Variants in HLCS observed in about 807,000 individuals in gnomAD.
The protein encoded by HLCS is holocarboxylase synthetase.
Under a neutral mutation model 75.0 loss-of-function variants are expected in HLCS, and 53 were observed. The observed-to-expected ratio is 0.71, with a 90% CI of 0.57 to 0.89. The LOEUF (loss-of-function observed/expected upper bound fraction) is 0.89, where lower values mean the gene tolerates loss of function less well. Ranked by LOEUF, HLCS falls within the 40% of genes least tolerant of loss-of-function variation. HLCS has a pLI of 0.00. For missense variants in HLCS, 966 were observed against 1,074.0 expected, an observed-to-expected ratio of 0.90 and a Z score of 1.41; for synonymous variants, 431 against 428.6, an observed-to-expected ratio of 1.01 and a Z score of -0.07.
At chr21:36,859,981 C>T (rs746735789) in intron 6 of HLCS, among the ~76,000 whole-genome samples, 1 of 152,186 alleles carries the variant, frequency 6.6e-6, no homozygotes, top group Non-Finnish European at 1.5e-5. Flanking sequence ...CCTTGCAGGT[C>T]GCATATTTAC....
intron 6 of HLCS, among the ~76,000 whole-genome samples, chr21:36,873,966 A>G (rs752737855): frequency 5.9e-5 from 9 of 152,214 alleles, no homozygotes; most frequent in Non-Finnish European, 1.3e-4. Flanking sequence ...CATCAGTTTA[A>G]GAAATTTCTT....
At chr21:36,840,857 C>T (rs1027882019) in intron 6 of HLCS, among the ~76,000 whole-genome samples, 4 of 152,128 alleles carry the variant, frequency 2.6e-5, no homozygotes, top group Non-Finnish European at 5.9e-5. Context: ...AGGTGATCTG[C>T]CTGCCTTGGC....
chr21:36,882,057 C>T (rs951928733), intron 6 of HLCS, among the ~76,000 whole-genome samples: 5 of 151,870 alleles, frequency 3.3e-5, no homozygotes, highest in Non-Finnish European at 7.4e-5. Context: ...CCGAAGCGGG[C>T]GGATCCCAAG....
chr21:36,833,940 A>G (rs2062310318), intron 6 of HLCS, among the ~76,000 whole-genome samples: 2 of 152,354 alleles, frequency 1.3e-5, no homozygotes, highest in South Asian at 4.1e-4. Context: ...AATTTAGTAC[A>G]GTGGACCTGT....
At chr21:36,760,728 T>C (rs902471826) in intron 8 of HLCS, among the ~76,000 whole-genome samples, 45 of 152,324 alleles carry the variant, frequency 3.0e-4, no homozygotes, top group African/African-American at 1.1e-3. Flanking sequence ...ATGTGGCCTA[T>C]TGCCTCTGCG....
chr21:36,921,838 A>C (rs2066181864), intron 5 of HLCS, among the ~76,000 whole-genome samples: 1 of 152,148 alleles, frequency 6.6e-6, no homozygotes, highest in South Asian at 2.1e-4. Flanking sequence ...TGTCAAGGGA[A>C]AGTGCATTTC....
Position 36,989,778 on chromosome 21 carries a change from T to TGGGCGCG in HLCS, c.-393+373_-393+379dup, listed in dbSNP as rs1298418088. Among the ~76,000 whole-genome samples, 5 of 152,124 alleles carry TGGGCGCG rather than the reference T, an allele frequency of 3.3e-5. No individual in the cohort carries two copies. In the East Asian group the frequency reaches 9.7e-4, roughly 30 times the overall value. On this transcript the variant is annotated intron_variant, in intron 1 of 11. Coordinates refer to the HLCS transcript ENST00000336648. The stretch of plus-strand genomic sequence containing the variant: ...AGGCCCTGCGGCTCTGCCCCTAACA[T>TGGGCGCG]GGGCGCGGGGCACGCGGCCAGGGGC...
intron 6 of HLCS, among the ~76,000 whole-genome samples, chr21:36,877,662 C>G (rs1280982444): frequency 6.6e-6 from 1 of 151,932 alleles, no homozygotes; most frequent in African/African-American, 2.4e-5. Context: ...TTAAATTTAC[C>G]CAGATATTTG....
chr21:36,948,005 T>C (rs890154607), intron 2 of HLCS: 6 of 985,166 alleles, frequency 6.1e-6, no homozygotes, highest in Non-Finnish European at 7.2e-6. Flanking sequence ...AATTTGAAAA[T>C]ACAGGGCCAG....
chr21:36,985,771 A>G lies in HLCS; in HGVS notation c.-393+4387T>C, dbSNP rs971151990. Among the ~76,000 whole-genome samples, 13 of 141,274 alleles carry G rather than the reference A, an allele frequency of 9.2e-5. No homozygotes were observed. In the East Asian group the frequency reaches 2.6e-3, roughly 28 times the overall value. 92.7% of individuals were successfully genotyped at this position (141,274 alleles called of 152,430 possible). On this transcript the variant is annotated intron_variant, in intron 1 of 11. Transcript: ENST00000336648. Reference sequence around the variant, plus strand: ...ACAGAGTGAGACTTGGTCTTGGGGAAAAAAAAAAAAAAAGTTAGCCCCATT... The same window carrying G: ...ACAGAGTGAGACTTGGTCTTGGGGAGAAAAAAAAAAAAAGTTAGCCCCATT...
intron 5 of HLCS, among the ~76,000 whole-genome samples, chr21:36,915,665 T>C (rs751485772): frequency 3.5e-4 from 53 of 152,228 alleles, no homozygotes; most frequent in Non-Finnish European, 5.9e-5. Flanking sequence ...GAAAAGTGTT[T>C]TTAATAACAC....
At chr21:36,864,500 C>G (rs1156751083) in intron 6 of HLCS, among the ~76,000 whole-genome samples, 1 of 152,036 alleles carries the variant, frequency 6.6e-6, no homozygotes, top group Non-Finnish European at 1.5e-5. Flanking sequence ...CATCCTAATC[C>G]TGCTTAAAAG....
intron 1 of HLCS, among the ~76,000 whole-genome samples, chr21:36,983,256 G>C (rs1293143813): frequency 2.0e-5 from 3 of 151,816 alleles, no homozygotes; most frequent in Admixed American, 6.6e-5. Flanking sequence ...TGTCACCCAA[G>C]CTGGAGTGCA....
chr21:36,813,381 T>C (rs2061567682), intron 6 of HLCS, among the ~76,000 whole-genome samples: 1 of 152,210 alleles, frequency 6.6e-6, no homozygotes. Context: ...AGTATGCCAA[T>C]AGCAAGAAGA....
chr21:36,827,217 G>A (rs2146031089), intron 6 of HLCS, among the ~76,000 whole-genome samples: 1 of 152,212 alleles, frequency 6.6e-6, no homozygotes, highest in African/African-American at 2.4e-5. Context: ...TTAAAGAAAA[G>A]GACTGAAGGC....
intron 1 of HLCS, among the ~76,000 whole-genome samples, chr21:36,984,947 C>T (rs1034864523): frequency 6.6e-6 from 1 of 151,668 alleles, no homozygotes; most frequent in Non-Finnish European, 1.5e-5. Flanking sequence ...AGCAACAGCA[C>T]AGCTAAGGGG....
At chr21:36,966,825 G>C (rs918954466), upstream of HLCS, among the ~76,000 whole-genome samples, 1 of 147,280 alleles carries the variant, frequency 6.8e-6, no homozygotes, top group East Asian at 2.0e-4. Flanking sequence ...AGGGGCGGGG[G>C]GGGGTGAGGC....
At chr21:36,924,786 G>A (rs2066328957) in intron 5 of HLCS, among the ~76,000 whole-genome samples, 1 of 152,080 alleles carries the variant, frequency 6.6e-6, no homozygotes. Context: ...CTGCAGCAAG[G>A]GCTTGTACTT....
chr21:36,915,631 T>C (rs531171383), intron 5 of HLCS, among the ~76,000 whole-genome samples: 5 of 152,330 alleles, frequency 3.3e-5, no homozygotes, highest in African/African-American at 7.2e-5. Flanking sequence ...CATTCGTTCA[T>C]AGGAGAAAAG....
Sources: allele counts gnomAD v4.1 joint callset (sites outside exome capture counted in the v4.1 genomes callset), GRCh38; gene constraint gnomAD v4.1.1; transcripts MANE v1.5; gene names NCBI Gene and HGNC (gene_info 2026-07-23, HGNC 2026-07-21).